The following NFKB1 variants were observed in gnomAD, a reference collection of about 807,000 sequenced individuals.
The protein encoded by NFKB1 is nuclear factor NF-kappa-B p105 subunit.
In NFKB1, 9 loss-of-function variants were observed where a neutral mutation model predicts 105.1. The observed-to-expected ratio is 0.09, with a 90% CI of 0.05 to 0.15. The LOEUF (loss-of-function observed/expected upper bound fraction) is 0.15. Ranked by LOEUF, NFKB1 falls within the 10% of genes least tolerant of loss-of-function variation. The pLI is 1.00. For missense variants in NFKB1, 830 were observed against 1,203.7 expected, an observed-to-expected ratio of 0.69 and a Z score of 4.59; for synonymous variants, 440 against 442.2, an observed-to-expected ratio of 1.00 and a Z score of 0.06.
rs1183621708 is a variant in NFKB1 at position 102,593,450 on chromosome 4, T to G, written c.1092T>G (p.Arg364=). 1 of 1,613,646 alleles carries G rather than the reference T, an allele frequency of 6.2e-7. No individual in the cohort carries two copies. The highest frequency in any genetic ancestry group is 2.2e-5 in the East Asian group (1 of 44,872). ...IKDKEEVQRK[R]QKLMPNFSDS... ...ATAAAGAAGAAGTGCAGAGGAAACG[T>G]CAGAAGCTCATGCCCAATTTTTCGG... The change falls in exon 12 of 24, where the codon CGT becomes CGG. Residue 364 remains arginine, a synonymous_variant. Transcript: ENST00000226574.
chr4:102,562,274 C>T (rs1723501860), intron 5 of NFKB1, among the ~76,000 whole-genome samples: 1 of 152,190 alleles, frequency 6.6e-6, no homozygotes, highest in Non-Finnish European at 1.5e-5. Context: ...GAAGCTTTCC[C>T]TGACCTCCTG....
chr4:102,518,323 A>G (rs984063620), intron 1 of NFKB1, among the ~76,000 whole-genome samples: 2 of 152,158 alleles, frequency 1.3e-5, no homozygotes, highest in Non-Finnish European at 2.9e-5. Context: ...TAACAGTTTT[A>G]ATTTTATGTA....
intron 5 of NFKB1, among the ~76,000 whole-genome samples, chr4:102,546,036 T>C (rs1195687385): frequency 1.3e-5 from 2 of 152,258 alleles, no homozygotes; most frequent in East Asian, 1.9e-4. Flanking sequence ...GGAGGATTGC[T>C]TGAGCCCAGG....
intron 15 of NFKB1, among the ~76,000 whole-genome samples, chr4:102,598,208 G>T (rs3774963): frequency 6.6e-6 from 1 of 151,948 alleles, no homozygotes; most frequent in Non-Finnish European, 1.5e-5. Flanking sequence ...ATGTGGGAGT[G>T]GAACATTCCA....
At chr4:102,537,343 G>A (rs886666863) in intron 4 of NFKB1, among the ~76,000 whole-genome samples, 1 of 152,246 alleles carries the variant, frequency 6.6e-6, no homozygotes, top group South Asian at 2.1e-4. Context: ...CAGATGCAGG[G>A]TCTAGCACAG....
intron 12 of NFKB1, among the ~76,000 whole-genome samples, chr4:102,594,345 C>T (rs1019590722): frequency 2.0e-5 from 3 of 152,062 alleles, no homozygotes; most frequent in African/African-American, 7.2e-5. Flanking sequence ...TCACTTATTC[C>T]AGATTACTTT....
rs1728400591 is a variant in NFKB1 at position 102,611,409 on chromosome 4, C to A, written c.2353-635C>A. Among the ~76,000 whole-genome samples, 6 of 152,288 alleles carry A rather than the reference C, an allele frequency of 3.9e-5. No individual in the cohort carries two copies. The South Asian group carries it at 1.2e-3, about 32-fold the overall frequency. ...TTCCCCAGAAGGCCTTGCCACAGAACACAAAAAGATGATGCACTCAGTGAC... is the reference window on the plus strand; with the variant it reads ...TTCCCCAGAAGGCCTTGCCACAGAAAACAAAAAGATGATGCACTCAGTGAC... On this transcript the variant is annotated intron_variant, in intron 20 of 23. Transcript: ENST00000226574.
chr4:102,596,837 C>A, intron 14 of NFKB1, among the ~76,000 whole-genome samples: 1 of 151,542 alleles, frequency 6.6e-6, no homozygotes, highest in Non-Finnish European at 1.5e-5. Context: ...CTAGGTCATC[C>A]TAGATCGTAC....
chr4:102,560,340 G>A (rs1302751835), intron 5 of NFKB1, among the ~76,000 whole-genome samples: 4 of 152,156 alleles, frequency 2.6e-5, no homozygotes. Context: ...CAAAGTATGA[G>A]GGAAAAGATA....
chr4:102,607,655 G>A lies in NFKB1; in HGVS notation c.2131G>A (p.Ala711Thr). The change falls in exon 19 of 24, where the codon GCC becomes ACC. Residue 711 changes from alanine to threonine, a missense_variant. Physicochemically the swap from Ala to Thr is moderately conservative, Grantham distance 58. This residue lies in a region of NFKB1 where 418 missense variants were observed against 575.3 expected (regional missense o/e 0.73). Transcript: ENST00000226574. ...TGTGTGGGCTGGATTGTAGGGTGATGCCCATGTGGACAGTACTACCTACGA... is the reference window on the plus strand; with the variant it reads ...TGTGTGGGCTGGATTGTAGGGTGATACCCATGTGGACAGTACTACCTACGA... ...LAGCLLLEGD[A>T]HVDSTTYDGT... 6.2e-7 allele frequency: 1 copy of A among 1,614,022 alleles called. No homozygotes were observed. The highest frequency in any genetic ancestry group is 8.5e-7 in the Non-Finnish European group (1 of 1,179,942).
Position 102,566,984 on chromosome 4 carries a change from T to C in NFKB1, c.259-3T>C, listed in dbSNP as rs1723930012. ...TAACTTTTGGAATGTGCTTCTTATA[T>C]AGATCTGCAACTATGTGGGACCAGC... On this transcript the variant is annotated splice_region_variant and splice_polypyrimidine_tract_variant and intron_variant, in intron 5 of 23. Coordinates refer to ENST00000226574, the MANE Select transcript of NFKB1 (RefSeq NM_003998.4). 4 of 1,613,802 alleles carry C rather than the reference T, an allele frequency of 2.5e-6. No homozygotes were observed. In the East Asian group the frequency reaches 8.9e-5, roughly 36 times the overall value.
chr4:102,507,569 CG>C (rs1739504302), intron 1 of NFKB1, among the ~76,000 whole-genome samples: 1 of 151,852 alleles, frequency 6.6e-6, no homozygotes, highest in Admixed American at 6.6e-5. Flanking sequence ...CCCAAAGTGC[CG>C]GGATTACAGG....
At chr4:102,574,089 G>A (rs1018951319) in intron 6 of NFKB1, among the ~76,000 whole-genome samples, 1 of 140,890 alleles carries the variant, frequency 7.1e-6, no homozygotes, top group African/African-American at 2.7e-5. Flanking sequence ...TTGGATGACA[G>A]GTATTTTGAA....
At position 102,606,849 on chromosome 4, in the gene NFKB1, C is replaced by T. The variant is rs1475324175; in HGVS notation, c.1954+152C>T. On this transcript the variant is annotated intron_variant, in intron 17 of 23. Transcript: ENST00000226574. ...ATCTCTTTTGGGCATTTCTGTTGCT[C>T]ACCAAAGCTAATTTTTTTAAAGATG... 6.9e-6 allele frequency: 6 copies of T among 867,444 alleles called. No homozygotes were observed. In the Admixed American group the frequency reaches 1.4e-4, roughly 20 times the overall value. The allele number at this position is 867,444 out of a possible 1,614,324, so 53.7% of individuals were successfully genotyped here.
chr4:102,613,246 C>A (rs4648115), intron 22 of NFKB1, among the ~76,000 whole-genome samples, 179 bp from the exon 23 acceptor site: 6 of 152,146 alleles, frequency 3.9e-5, no homozygotes, highest in African/African-American at 1.2e-4. Context: ...TGAGCCGAAA[C>A]AGGAAACTTG....
At chr4:102,549,585 C>T (rs1338860544) in intron 5 of NFKB1, among the ~76,000 whole-genome samples, 1 of 151,706 alleles carries the variant, frequency 6.6e-6, no homozygotes, top group Admixed American at 6.6e-5. Context: ...GGGTGTTTCT[C>T]CAGCCTAGAC....
chr4:102,555,402 C>A lies in NFKB1; in HGVS notation c.259-11585C>A, dbSNP rs950407652. Among the ~76,000 whole-genome samples the A allele has an allele frequency of 1.1e-4, 16 of 152,140 alleles. No individual in the cohort carries two copies. In the East Asian group the frequency reaches 3.1e-3, roughly 29 times the overall value. ...AAAAACAGAGAAAATTAAATAGTGC[C>A]TTTGTCCTCAGGAAACAATCCATTT... is the stretch of plus-strand genomic sequence containing the variant. On this transcript the variant is annotated intron_variant, in intron 5 of 23. Transcript: ENST00000226574.
At chr4:102,614,176 GA>G (rs1349056923) in intron 23 of NFKB1, among the ~76,000 whole-genome samples, 1 of 152,066 alleles carries the variant, frequency 6.6e-6, no homozygotes, top group African/African-American at 2.4e-5. Context: ...GAAGAAACCA[GA>G]ACCCTCTCAC....
At chr4:102,521,744 A>C (rs1369779411) in intron 1 of NFKB1, among the ~76,000 whole-genome samples, 2 of 152,134 alleles carry the variant, frequency 1.3e-5, no homozygotes, top group Non-Finnish European at 2.9e-5. Context: ...TTCACCAAGA[A>C]GCTCATGTGC....
Sources: gnomAD v4.1 joint callset for allele counts (sites outside exome capture counted in the v4.1 genomes callset) on GRCh38, gnomAD v4.1.1 for gene constraint, gnomAD v4.1.1 regional missense constraint, MANE v1.5 for transcripts, NCBI Gene and HGNC (gene_info 2026-07-23, HGNC 2026-07-21) for gene names.